Variants in EEF1D observed in about 807,000 individuals in gnomAD.
EEF1D encodes eukaryotic translation elongation factor 1 delta.
Under a neutral mutation model 63.9 loss-of-function variants are expected in EEF1D, and 47 were observed. That is an observed-to-expected ratio of 0.74 (90% confidence interval 0.58 to 0.94). The LOEUF is 0.94. EEF1D is among the 40% of genes least tolerant of loss of function. EEF1D has a pLI of 0.00. For missense variants in EEF1D, 907 were observed against 899.0 expected (o/e 1.01, Z -0.11); for synonymous variants, 412 against 386.1 (o/e 1.07, Z -0.79).
chr8:143,584,983 C>T (rs896239410), intron 5 of EEF1D, among the ~76,000 whole-genome samples: 1 of 152,138 alleles, frequency 6.6e-6, no homozygotes, highest in Non-Finnish European at 1.5e-5. Flanking sequence ...TCAGGATGGA[C>T]CACGCAATCC....
chr8:143,586,100 C>T (rs983732154), intron 5 of EEF1D, 119 bp downstream of exon 5: 14 of 813,110 alleles, frequency 1.7e-5, no homozygotes, highest in South Asian at 7.1e-5. Flanking sequence ...AGGAGCACAG[C>T]GCCGTGCACC....
chr8:143,581,005 G>A (rs964280322), intron 7 of EEF1D, 49 bp downstream of exon 7: 3 of 1,584,158 alleles, frequency 1.9e-6, no homozygotes, highest in Non-Finnish European at 2.6e-6. Context: ...GTGGAAGCCA[G>A]CAGGGCCACG....
intron 5 of EEF1D, among the ~76,000 whole-genome samples, chr8:143,585,676 C>T (rs888578708): frequency 2.6e-4 from 40 of 152,208 alleles, no homozygotes; most frequent in African/African-American, 9.2e-4. Context: ...GCCTGTCAGG[C>T]CACAGCTACT....
intron 1 of EEF1D, among the ~76,000 whole-genome samples, chr8:143,595,917 A>T (rs573245915): frequency 1.3e-5 from 2 of 152,250 alleles, no homozygotes; most frequent in East Asian, 3.9e-4. Context: ...ACTTAGCATA[A>T]CTCACTGCCA....
intron 2 of EEF1D, 64 bp from the exon 3 acceptor site, chr8:143,590,145 C>T: frequency 6.3e-7 from 1 of 1,595,566 alleles, no homozygotes; most frequent in Non-Finnish European, 8.5e-7. Context: ...GTGGCCGCAG[C>T]CCCGTGCCCA....
intron 1 of EEF1D, among the ~76,000 whole-genome samples, chr8:143,593,502 C>T (rs117289224): frequency 0.015 from 2,246 of 152,286 alleles, 35 homozygotes; most frequent in Non-Finnish European, 0.025. Flanking sequence ...GGCTGGGATC[C>T]GTCTTCCTTC....
chr8:143,594,195 C>T (rs960168132), intron 1 of EEF1D: 3 of 152,254 alleles, frequency 2.0e-5, no homozygotes, highest in African/African-American at 7.2e-5. Flanking sequence ...CCAGGCTCAC[C>T]ACCAAGGCTC....
At chr8:143,593,648 C>T (rs1453356444) in intron 1 of EEF1D, among the ~76,000 whole-genome samples, 1 of 152,116 alleles carries the variant, frequency 6.6e-6, no homozygotes, top group Non-Finnish European at 1.5e-5. Context: ...GGCAGCTGCC[C>T]CATGGGACCA....
Position 143,589,572 on chromosome 8 carries a change from G to T in EEF1D, c.510C>A (p.Phe170Leu), listed in dbSNP as rs370356009. The change falls in exon 3 of 10, where the codon TTC (phenylalanine) becomes TTA (leucine). Residue 170 changes from phenylalanine to leucine, a missense_variant. Phe to Leu is a conservative substitution (Grantham distance 22, BLOSUM62 0). Coordinates refer to ENST00000618139, the MANE Select transcript of EEF1D (RefSeq NM_001130053.5). Reference protein sequence around the residue: ...TWGIWVNKSSFDQAERAFVEW... With the variant: ...TWGIWVNKSSLDQAERAFVEW... ...CCACGAAGGCCCGCTCAGCCTGGTC[G>T]AAGGAGGACTTGTTGACCCAGATCC... 6.6e-7 allele frequency: 1 copy of T among 1,516,896 alleles called. No individual in the cohort carries two copies. The highest frequency in any genetic ancestry group is 1.4e-5 in the African/African-American group (1 of 71,850). The allele number at this position is 1,516,896 out of a possible 1,614,324, so 94.0% of individuals were successfully genotyped here.
intron 2 of EEF1D, chr8:143,590,530 T>G: frequency 1.8e-5 from 21 of 1,164,062 alleles, no homozygotes; most frequent in East Asian, 4.8e-5. Flanking sequence ...GTGGCTGGTG[T>G]TCCCATTCTA....
chr8:143,584,376 C>A (rs1190530898), intron 5 of EEF1D: 1 of 144,704 alleles, frequency 6.9e-6, no homozygotes, highest in Non-Finnish European at 1.5e-5. Context: ...CATGGCGAAA[C>A]CCTGCCGCTA....
Position 143,589,445 on chromosome 8 carries a change from T to G in EEF1D, c.637A>C (p.Ser213Arg). The change falls in exon 3 of 10, where the codon AGC becomes CGC. Residue 213 changes from serine to arginine, a missense_variant. Physicochemically the swap from Ser to Arg is moderately radical, Grantham distance 110. Coordinates refer to ENST00000618139, the MANE Select transcript of EEF1D (RefSeq NM_001130053.5). ...GGGGGCTGGCCATTGACCGGTGGGC[T>G]GGGCTGGTGGGCCAGGTCGGGGACG... is the stretch of plus-strand genomic sequence containing the variant. ...VAVPDLAHQP[S>R]PPVNGQPPLG... The G allele has an allele frequency of 1.3e-6, 2 of 1,530,086 alleles. No homozygotes were observed. Among genetic ancestry groups the G allele is most frequent in the Non-Finnish European group, 1.8e-6 (2 of 1,134,142 alleles). The allele number at this position is 1,530,086 out of a possible 1,614,324, so 94.8% of individuals were successfully genotyped here. A position where few individuals can be genotyped will look rare whatever the true frequency, so the allele number is the denominator to read the frequency against.
chr8:143,594,745 C>T (rs187250454), intron 1 of EEF1D, among the ~76,000 whole-genome samples: 258 of 152,374 alleles, frequency 1.7e-3, no homozygotes, highest in Admixed American at 4.6e-3. Flanking sequence ...AGTCTGTGGA[C>T]TGGCACTGCC....
At chr8:143,581,611 C>T in intron 5 of EEF1D, 2 of 524,686 alleles carry the variant, frequency 3.8e-6, no homozygotes, top group Non-Finnish European at 6.8e-6. Flanking sequence ...CGGCGGAATC[C>T]TGCTGAGCAG....
intron 1 of EEF1D, chr8:143,597,006 C>G (rs898363138): frequency 6.6e-6 from 1 of 152,258 alleles, no homozygotes; most frequent in Admixed American, 6.5e-5. Context: ...ACAGCTGGGG[C>G]AGATGTCTGG....
Position 143,581,165 on chromosome 8 carries a change from A to G in EEF1D, c.1388-11T>C. 6.2e-7 allele frequency: 1 copy of G among 1,612,902 alleles called. No homozygotes were observed. Among genetic ancestry groups the G allele is most frequent in the Non-Finnish European group, 8.5e-7 (1 of 1,179,924 alleles). On this transcript the variant is annotated splice_polypyrimidine_tract_variant and intron_variant, in intron 6 of 9. Coordinates refer to ENST00000618139, the MANE Select transcript of EEF1D (RefSeq NM_001130053.5). ...GCAGCTCCTGTACCACTGGGGGGGC[A>G]AGGGGAGCACGGTTAGATGGCAGGG... is the stretch of plus-strand genomic sequence containing the variant.
rs59652616 is a variant in EEF1D, at chr8:143,588,817, C to T, written c.1091+174G>A. 1,045 of 876,186 alleles carry T rather than the reference C, an allele frequency of 1.2e-3. 11 individuals carry two copies. In the African/African-American group the frequency reaches 0.016, roughly 13 times the overall value. The allele number at this position is 876,186 out of a possible 1,614,324, so 54.3% of individuals were successfully genotyped here. The stretch of plus-strand genomic sequence containing the variant: ...AAGCAGTGTCCCTGGAACCCACAAG[C>T]GCAGCACCACCTTTACTCAGCCTGC... On this transcript the variant is annotated intron_variant, in intron 3 of 9. Transcript: ENST00000618139.
chr8:143,594,812 G>A (rs1828525605), intron 1 of EEF1D, among the ~76,000 whole-genome samples: 1 of 152,250 alleles, frequency 6.6e-6, no homozygotes, highest in African/African-American at 2.4e-5. Flanking sequence ...GCCCTTAAAA[G>A]AGGCTGGAGC....
chr8:143,592,323 C>G, intron 2 of EEF1D: 1 of 969,916 alleles, frequency 1.0e-6, no homozygotes, highest in Non-Finnish European at 1.2e-6. Context: ...GGGCTCCGGG[C>G]AGAAGCCGCC....
Sources: allele counts gnomAD v4.1 joint callset (sites outside exome capture counted in the v4.1 genomes callset), GRCh38; gene constraint gnomAD v4.1.1; transcripts MANE v1.5; gene names NCBI Gene and HGNC (gene_info 2026-07-23, HGNC 2026-07-21).